Variants in RPS26 observed in about 807,000 individuals in gnomAD.
RPS26 encodes the protein small ribosomal subunit protein eS26.
Under a neutral mutation model 14.7 loss-of-function variants are expected in RPS26, and 1 was observed. The ratio of observed to expected loss-of-function variants is 0.07; its 90% CI spans 0.02 to 0.32. The LOEUF (loss-of-function observed/expected upper bound fraction) is 0.32. Ranked by LOEUF, RPS26 falls within the 10% of genes least tolerant of loss-of-function variation. The probability of loss-of-function intolerance (pLI) is 1.00; values close to 1 mark genes in which losing one functional copy is unlikely to be tolerated. For missense variants in RPS26, 63 were observed against 157.7 expected, an observed-to-expected ratio of 0.40 and a Z score of 3.22; for synonymous variants, 59 against 53.1, an observed-to-expected ratio of 1.11 and a Z score of -0.48.
chr12:56,042,334 C>T (rs1041990312), intron 1 of RPS26, 91 bp from the exon 2 acceptor site: 2 of 1,541,722 alleles, frequency 1.3e-6, no homozygotes, highest in South Asian at 1.1e-5. Flanking sequence ...CGGCGCCTTC[C>T]TGGAGGCTGC....
intron 3 of RPS26, among the ~76,000 whole-genome samples, chr12:56,043,811 T>TA (rs111473859): frequency 0.084 from 12,029 of 143,832 alleles, 503 homozygotes; most frequent in African/African-American, 0.098. Context: ...CCTTGTCTCT[T>TA]AAAAAAAAAA....
Position 56,044,486 on chromosome 12 carries a change from G to T in RPS26, c.*332G>T. On this transcript the variant is annotated 3_prime_UTR_variant, in exon 4 of 4. Coordinates refer to ENST00000646449, the MANE Select transcript of RPS26 (RefSeq NM_001029.5). ...AGCTTCTTGAGTAGCTGGGATTACAGGTGTCTGCCACCATGCCTGGTTAAT... is the reference window on the plus strand; with the variant it reads ...AGCTTCTTGAGTAGCTGGGATTACATGTGTCTGCCACCATGCCTGGTTAAT... The T allele has an allele frequency of 3.4e-6, 1 of 294,360 alleles. No homozygotes were observed. The highest frequency in any genetic ancestry group is 4.9e-5 in the Admixed American group (1 of 20,254). 18.2% of individuals were successfully genotyped at this position (294,360 alleles called of 1,614,324 possible). A position where few individuals can be genotyped will look rare whatever the true frequency, so the allele number is the denominator to read the frequency against.
At chr12:56,043,980 C>T (rs534057892) in intron 3 of RPS26, 139 bp from the exon 4 acceptor site, 123 of 812,538 alleles carry the variant, frequency 1.5e-4, no homozygotes, top group Non-Finnish European at 2.3e-4. Context: ...GTAGTGTTCT[C>T]CCTCCACCTC....
intron 2 of RPS26, 137 bp from the exon 3 acceptor site, chr12:56,043,226 G>T (rs1895913834): frequency 1.3e-6 from 1 of 785,566 alleles, no homozygotes; most frequent in Non-Finnish European, 2.2e-6. Context: ...TGCTTTGGGG[G>T]TGCTTTTATG....
chr12:56,043,601 G>A, intron 3 of RPS26, 108 bp downstream of exon 3: 1 of 1,144,438 alleles, frequency 8.7e-7, no homozygotes, highest in East Asian at 2.4e-5. Flanking sequence ...GGGAGGCTGG[G>A]ACAAGAAGAT....
intron 1 of RPS26, 125 bp downstream of exon 1, chr12:56,042,294 C>G: frequency 6.6e-7 from 1 of 1,515,446 alleles, no homozygotes; most frequent in Non-Finnish European, 9.1e-7. Context: ...TGGGGGTCGG[C>G]GGGATTTGCG....
Position 56,043,472 on chromosome 12 carries a change from C to A in RPS26, c.291C>A (p.Pro97=). The A allele has an allele frequency of 6.2e-7, 1 of 1,613,690 alleles. No individual in the cohort carries two copies. Among genetic ancestry groups the A allele is most frequent in the Non-Finnish European group, 8.5e-7 (1 of 1,179,866 alleles). ...RSREARKDRT[P]PPRFRPAGAA... is the part of the protein sequence containing the mutation. Reference sequence around the variant, plus strand: ...GTGAAGCCCGCAAGGACCGAACACCCCCACCCCGATTTAGACCTGCGGTGA... The same window carrying A: ...GTGAAGCCCGCAAGGACCGAACACCACCACCCCGATTTAGACCTGCGGTGA... Residue 97 remains proline (P), a synonymous_variant, in exon 3 of 4, where the codon CCC becomes CCA. Transcript: ENST00000646449.
intron 2 of RPS26, chr12:56,043,011 C>T (rs1593023532): frequency 5.0e-6 from 2 of 397,786 alleles, no homozygotes; most frequent in East Asian, 6.1e-5. Flanking sequence ...AAGAACGTCG[C>T]TTTGTTTTTT....
At chr12:56,043,090 T>A in intron 2 of RPS26, 1 of 442,048 alleles carries the variant, frequency 2.3e-6, no homozygotes, top group Non-Finnish European at 4.2e-6. Context: ...GGAACTGGAT[T>A]ATTGGTTTAT....
chr12:56,044,283 T>C lies in RPS26; in HGVS notation c.*129T>C, dbSNP rs995879097. On this transcript the variant is annotated 3_prime_UTR_variant, in exon 4 of 4. Coordinates refer to ENST00000646449, the MANE Select transcript of RPS26 (RefSeq NM_001029.5). ...TGGGGATTTTGTGTGTTAGACCAAG[T>C]GTGAAGTGACACACATTATTTTCAT... 10 of 718,342 alleles carry C rather than the reference T, an allele frequency of 1.4e-5. No individual in the cohort carries two copies. Among genetic ancestry groups the C allele is most frequent in the Non-Finnish European group, 2.5e-5 (10 of 399,306 alleles). 44.5% of individuals were successfully genotyped at this position (718,342 alleles called of 1,614,324 possible). A position where few individuals can be genotyped will look rare whatever the true frequency, so the allele number is the denominator to read the frequency against.
At chr12:56,042,338 AGGCTGCCGGTGC>A (rs1895898555) in intron 1 of RPS26, 75 bp from the exon 2 acceptor site, 1 of 1,542,970 alleles carries the variant, frequency 6.5e-7, no homozygotes, top group African/African-American at 1.4e-5. Context: ...GCCTTCCTGG[AGGCTGCCGGTGC>A]GGCTTGTGGC....
rs1895936833 is a variant in RPS26, at chr12:56,044,384, C to T, written c.*230C>T. ...TTTTTTTGAGACGGAGTCTTTGTCGCCCAAGCTGAATTGCAGTGGCGTGAT... is the reference window on the plus strand; with the variant it reads ...TTTTTTTGAGACGGAGTCTTTGTCGTCCAAGCTGAATTGCAGTGGCGTGAT... On this transcript the variant is annotated 3_prime_UTR_variant, in exon 4 of 4. Transcript: ENST00000646449. The T allele has an allele frequency of 6.4e-6, 3 of 465,950 alleles. No individual in the cohort carries two copies. The highest frequency in any genetic ancestry group is 5.1e-5 in the African/African-American group (2 of 39,450). The allele number at this position is 465,950 out of a possible 1,614,324, so 28.9% of individuals were successfully genotyped here. A position where few individuals can be genotyped will look rare whatever the true frequency, so the allele number is the denominator to read the frequency against.
At chr12:56,042,794 A>T (rs921768435) in intron 2 of RPS26, 192 bp downstream of exon 2, 1 of 668,354 alleles carries the variant, frequency 1.5e-6, no homozygotes. Context: ...TGACTTTGTG[A>T]TAGAGTGCAC....
At chr12:56,042,696 C>T (rs1397656356) in intron 2 of RPS26, 94 bp downstream of exon 2, 2 of 987,050 alleles carry the variant, frequency 2.0e-6, no homozygotes, top group African/African-American at 1.6e-5. Context: ...TCTTTGGAGC[C>T]TCTCAGGCAA....
rs749966486 is a variant in RPS26 at position 56,042,391 on chromosome 12, C to T, written c.4-34C>T. On this transcript the variant is annotated intron_variant, in intron 1 of 3. Transcript: ENST00000646449. ...AGGGACTGAGGCTGGGTGAGTTGCG[C>T]CGTTTTCCTAACAGTTTTCCCATCC... is the stretch of plus-strand genomic sequence containing the variant. The T allele has an allele frequency of 1.2e-5, 19 of 1,610,238 alleles. No homozygotes were observed. In the East Asian group the frequency reaches 1.3e-4, roughly 11 times the overall value.
Position 56,042,459 on chromosome 12 carries a change from A to G in RPS26, c.38A>G (p.Lys13Arg). ...KKRRNNGRAK[K>R]GRGHVQPIRC... ...AGAAGGAACAATGGTCGTGCCAAAA[A>G]GGGCCGCGGCCACGTGCAGCCTATT... Residue 13 changes from lysine (K) to arginine (R), a missense_variant, in exon 2 of 4, where the codon AAG becomes AGG. By Grantham distance (26) the Lys-to-Arg change is conservative. Transcript: ENST00000646449. 2.5e-6 allele frequency: 4 copies of G among 1,613,386 alleles called. No individual in the cohort carries two copies. The highest frequency in any genetic ancestry group is 3.4e-6 in the Non-Finnish European group (4 of 1,179,670).
chr12:56,043,092 T>C (rs1895911883), intron 2 of RPS26: 1 of 443,118 alleles, frequency 2.3e-6, no homozygotes, highest in Non-Finnish European at 4.2e-6. Context: ...AACTGGATTA[T>C]TGGTTTATTG....
rs1191650736 is a variant in RPS26, at chr12:56,044,345, CTTTTTTT to C, written c.*205_*211del. On this transcript the variant is annotated 3_prime_UTR_variant, in exon 4 of 4. Transcript: ENST00000646449. The stretch of plus-strand genomic sequence containing the variant: ...CTTATTCATGTAATTTAATTTTTTT[CTTTTTTT>C]TTTTTTTTTTTTTGAGACGGAGTCT... 2.6e-5 allele frequency: 7 copies of C among 266,860 alleles called. No individual in the cohort carries two copies. Among genetic ancestry groups the C allele is most frequent in the African/African-American group, 8.5e-5 (2 of 23,518 alleles). 16.5% of individuals were successfully genotyped at this position (266,860 alleles called of 1,614,324 possible).
chr12:56,044,383 G>C lies in RPS26; in HGVS notation c.*229G>C, dbSNP rs574163249. ...TTTTTTTTGAGACGGAGTCTTTGTC[G>C]CCCAAGCTGAATTGCAGTGGCGTGA... On this transcript the variant is annotated 3_prime_UTR_variant, in exon 4 of 4. Coordinates refer to ENST00000646449, the MANE Select transcript of RPS26 (RefSeq NM_001029.5). The C allele has an allele frequency of 4.4e-6, 2 of 450,674 alleles. No individual in the cohort carries two copies. The highest frequency in any genetic ancestry group is 7.5e-6 in the Non-Finnish European group (2 of 267,712). The allele number at this position is 450,674 out of a possible 1,614,324, so 27.9% of individuals were successfully genotyped here. A position where few individuals can be genotyped will look rare whatever the true frequency, so the allele number is the denominator to read the frequency against.
Sources: gnomAD v4.1 joint callset for allele counts (sites outside exome capture counted in the v4.1 genomes callset) on GRCh38, gnomAD v4.1.1 for gene constraint, MANE v1.5 for transcripts, NCBI Gene and HGNC (gene_info 2026-07-23, HGNC 2026-07-21) for gene names.